TBC1D23: variants seen among roughly 807,000 people sequenced by gnomAD.
The protein encoded by TBC1D23 is TBC1 domain family member 23.
TBC1D23 carries 55 observed loss-of-function variants against 91.4 expected under a neutral mutation model. The observed-to-expected ratio is 0.60, with a 90% CI of 0.48 to 0.75. The LOEUF (loss-of-function observed/expected upper bound fraction) is 0.75, where lower values mean the gene tolerates loss of function less well. Among genes scored for constraint, TBC1D23 ranks in the 30% least tolerant of loss-of-function variants. The pLI is 0.00. For missense variants in TBC1D23, 725 were observed against 836.1 expected, an observed-to-expected ratio of 0.87 and a Z score of 1.64; for synonymous variants, 289 against 281.0, an observed-to-expected ratio of 1.03 and a Z score of -0.28.
chr3:100,284,977 G>A (rs1013810610), intron 4 of TBC1D23, among the ~76,000 whole-genome samples: 4 of 151,978 alleles, frequency 2.6e-5, no homozygotes, highest in Admixed American at 1.3e-4. Flanking sequence ...CGCTAATCTG[G>A]ACCTTGATAG....
intron 1 of TBC1D23, among the ~76,000 whole-genome samples, chr3:100,272,047 A>G (rs6804963): frequency 0.88 from 133,463 of 152,174 alleles, 59,727 homozygotes; most frequent in Non-Finnish European, 0.98. Context: ...CACAGGGAGT[A>G]TGGGGAGGAT....
In TBC1D23 at chr3:100,316,108, C is replaced by T; in HGVS notation, c.1608C>T (p.Ser536=). Residue 536 remains serine (S), a synonymous_variant, in exon 16 of 19, where the codon AGC becomes AGT. Transcript: ENST00000394144. ...PDRSCTERHV[S]SSDRVGKPYR... ...AATTCTTTGAATATAGGCATGTGAGCAGCAGTGACAGAGTGGGCAAGCCTT... is the reference window on the plus strand; with the variant it reads ...AATTCTTTGAATATAGGCATGTGAGTAGCAGTGACAGAGTGGGCAAGCCTT... 3 of 1,613,260 alleles carry T rather than the reference C, an allele frequency of 1.9e-6. No individual in the cohort carries two copies. Among genetic ancestry groups the T allele is most frequent in the African/African-American group, 1.3e-5 (1 of 75,006 alleles).
At chr3:100,268,230 T>C (rs1474162690) in intron 1 of TBC1D23, among the ~76,000 whole-genome samples, 2 of 152,174 alleles carry the variant, frequency 1.3e-5, no homozygotes, top group African/African-American at 4.8e-5. Flanking sequence ...TTTTGAAGCC[T>C]CTGTGCATCA....
chr3:100,266,882 C>CT (rs1465338363), intron 1 of TBC1D23, among the ~76,000 whole-genome samples: 1 of 152,122 alleles, frequency 6.6e-6, no homozygotes, highest in African/African-American at 2.4e-5. Context: ...AATGTGGATT[C>CT]TTTTTGGTAT....
chr3:100,299,446 C>T (rs914881105), intron 10 of TBC1D23, 115 bp downstream of exon 10: 17 of 514,850 alleles, frequency 3.3e-5, no homozygotes, highest in Non-Finnish European at 2.1e-5. Context: ...AGGAGGGAGT[C>T]TCTGCCCTTA....
chr3:100,296,895 A>C (rs2067846408), intron 8 of TBC1D23, among the ~76,000 whole-genome samples: 1 of 151,830 alleles, frequency 6.6e-6, no homozygotes, highest in Non-Finnish European at 1.5e-5. Flanking sequence ...TTACAGTAGT[A>C]ATCCAGTGGA....
chr3:100,298,814 TC>T (rs1705356190), intron 9 of TBC1D23, among the ~76,000 whole-genome samples: 1 of 152,100 alleles, frequency 6.6e-6, no homozygotes, highest in Non-Finnish European at 1.5e-5. Context: ...TCTCCCTTCA[TC>T]CCCCCACACG....
intron 1 of TBC1D23, among the ~76,000 whole-genome samples, chr3:100,269,642 A>T (rs565906967): frequency 6.6e-6 from 1 of 152,320 alleles, no homozygotes; most frequent in African/African-American, 2.4e-5. Flanking sequence ...AATCTGTAGC[A>T]AAGTTTTCTC....
chr3:100,286,168 A>G (rs886548576), intron 4 of TBC1D23, among the ~76,000 whole-genome samples: 1 of 152,202 alleles, frequency 6.6e-6, no homozygotes, highest in Non-Finnish European at 1.5e-5. Flanking sequence ...CCAAGACTTG[A>G]ATTCATATTT....
chr3:100,266,042 T>C (rs1043560695), intron 1 of TBC1D23, among the ~76,000 whole-genome samples: 3 of 152,276 alleles, frequency 2.0e-5, no homozygotes, highest in Non-Finnish European at 2.9e-5. Context: ...AAGGAACTGT[T>C]TGTCTAAGAA....
chr3:100,323,688 A>G lies in TBC1D23; in HGVS notation c.*20A>G. On this transcript the variant is annotated 3_prime_UTR_variant, in exon 19 of 19. Transcript: ENST00000394144. ...AGTTAATATAAAAGAAAATTATATA[A>G]AAAGAAATTAAGACAACCAAGAGAA... 7.6e-7 allele frequency: 1 copy of G among 1,324,028 alleles called. No individual in the cohort carries two copies. Among genetic ancestry groups the G allele is most frequent in the African/African-American group, 1.5e-5 (1 of 66,018 alleles). 82.0% of individuals were successfully genotyped at this position (1,324,028 alleles called of 1,614,324 possible).
rs1173995823 is a variant in TBC1D23, at chr3:100,279,656, G to A, written c.61G>A (p.Asp21Asn). 1.3e-6 allele frequency: 2 copies of A among 1,590,632 alleles called. No homozygotes were observed. Among genetic ancestry groups the A allele is most frequent in the Non-Finnish European group, 1.7e-6 (2 of 1,165,786 alleles). ...ATAGGACTTATTTTTTAGGGAAAAA[G>A]ATCTTGAAGAAGCTCTGGAAGCAGG... ...PTSSGDGWEK[D>N]LEEALEAGGC... The change falls in exon 2 of 19, where the codon GAT becomes AAT. Residue 21 changes from aspartate (D) to asparagine (N), a missense_variant. Physicochemically the swap from Asp to Asn is conservative, Grantham distance 23. Coordinates refer to ENST00000394144, the MANE Select transcript of TBC1D23 (RefSeq NM_001199198.3).
intron 2 of TBC1D23, 88 bp downstream of exon 2, chr3:100,279,848 A>T: frequency 1.3e-6 from 1 of 745,474 alleles, no homozygotes; most frequent in Non-Finnish European, 2.2e-6. Context: ...AGTTGCAGAA[A>T]ACTTTATTAC....
chr3:100,319,992 G>A (rs1401768237), intron 17 of TBC1D23, among the ~76,000 whole-genome samples: 1 of 151,958 alleles, frequency 6.6e-6, no homozygotes, highest in African/African-American at 2.4e-5. Flanking sequence ...CAAATTTTCA[G>A]TGTCCCCAAA....
intron 1 of TBC1D23, among the ~76,000 whole-genome samples, chr3:100,269,013 C>T (rs181155920): frequency 4.3e-4 from 65 of 152,112 alleles, no homozygotes; most frequent in Middle Eastern, 3.4e-3. Flanking sequence ...AAAAGGGCAC[C>T]GTTGGTACCA....
chr3:100,315,613 T>G (rs1705729866), intron 15 of TBC1D23, among the ~76,000 whole-genome samples: 1 of 152,216 alleles, frequency 6.6e-6, no homozygotes, highest in South Asian at 2.1e-4. Flanking sequence ...ATATTGGAAT[T>G]TGAATATTTG....
At chr3:100,304,527 C>G (rs908621379) in intron 11 of TBC1D23, among the ~76,000 whole-genome samples, 1 of 152,088 alleles carries the variant, frequency 6.6e-6, no homozygotes, top group Admixed American at 6.5e-5. Flanking sequence ...TTAAAAATCA[C>G]TCTGATTACA....
At position 100,283,597 on chromosome 3, in the gene TBC1D23, T is replaced by C; in HGVS notation, c.272-10T>C. 6.2e-7 allele frequency: 1 copy of C among 1,610,296 alleles called. No individual in the cohort carries two copies. The highest frequency in any genetic ancestry group is 2.2e-5 in the East Asian group (1 of 44,848). ...CCTCAGTAACTTTATTTTTAACATT[T>C]ATTTTCTAGACCAGCTTTCAGTGCC... On this transcript the variant is annotated splice_polypyrimidine_tract_variant and intron_variant, in intron 3 of 18. Transcript: ENST00000394144.
chr3:100,282,356 T>C (rs575507478), intron 3 of TBC1D23, among the ~76,000 whole-genome samples: 2 of 152,294 alleles, frequency 1.3e-5, no homozygotes, highest in Non-Finnish European at 2.9e-5. Flanking sequence ...TCTTTTGCAT[T>C]ATATGTTAGA....
Sources: gnomAD v4.1 joint callset for allele counts (sites outside exome capture counted in the v4.1 genomes callset) on GRCh38, gnomAD v4.1.1 for gene constraint, MANE v1.5 for transcripts, NCBI Gene and HGNC (gene_info 2026-07-23, HGNC 2026-07-21) for gene names.